ZNF415: variants seen among roughly 807,000 people sequenced by gnomAD.
ZNF415 encodes zinc finger protein 415.
Under a neutral mutation model 7.3 loss-of-function variants are expected in ZNF415, and 5 were observed. The ratio of observed to expected loss-of-function variants is 0.69; its 90% CI spans 0.36 to 1.44. ZNF415 has a LOEUF of 1.44. ZNF415 is among the 40% of genes most tolerant of loss of function. ZNF415 has a pLI of 0.04. For synonymous variants in ZNF415, 207 were observed against 226.3 expected (o/e 0.91, Z 0.77); for missense variants, 628 against 664.8 (o/e 0.94, Z 0.61).
At chr19:53,132,048 ATC>A (rs1339604784) in intron 1 of ZNF415, among the ~76,000 whole-genome samples, 4 of 151,654 alleles carry the variant, frequency 2.6e-5, no homozygotes, top group African/African-American at 7.3e-5. Context: ...GCTGTCCTTC[ATC>A]TCTCTGGATA....
Position 53,122,648 on chromosome 19 carries a change from G to T in ZNF415, c.15+14C>A. On this transcript the variant is annotated intron_variant, in intron 2 of 3. Coordinates refer to ENST00000243643, the MANE Select transcript of ZNF415 (RefSeq NM_018355.4). The stretch of plus-strand genomic sequence containing the variant: ...AGAGGGAGACAGAATGATCCACACA[G>T]AATCTTTCTTTACCTGAGTAAAAGC... 5.6e-6 allele frequency: 9 copies of T among 1,614,114 alleles called. No homozygotes were observed. The highest frequency in any genetic ancestry group is 7.6e-6 in the Non-Finnish European group (9 of 1,180,022).
intron 2 of ZNF415, among the ~76,000 whole-genome samples, chr19:53,120,496 G>C (rs2146448977): frequency 6.6e-6 from 1 of 152,238 alleles, no homozygotes. Flanking sequence ...ACTGAGACCT[G>C]TGTGAGGGTG....
Position 53,108,883 on chromosome 19 carries a change from C to G in ZNF415, c.1162G>C (p.Glu388Gln). Reference sequence around the variant, plus strand: ...GTCTGACTGAAGACTTTACCACATTCATTACACTTGTATGGTTTCTCCCCA... The same window carrying G: ...GTCTGACTGAAGACTTTACCACATTGATTACACTTGTATGGTTTCTCCCCA... ...HTGEKPYKCN[E>Q]CGKVFSQTSS... The change falls in exon 4 of 4, where the codon GAA becomes CAA. Residue 388 changes from glutamate (E) to glutamine (Q), a missense_variant. Coordinates refer to ENST00000243643, the MANE Select transcript of ZNF415 (RefSeq NM_018355.4). 6.2e-7 allele frequency: 1 copy of G among 1,614,102 alleles called. No homozygotes were observed. Among genetic ancestry groups the G allele is most frequent in the East Asian group, 2.2e-5 (1 of 44,870 alleles).
chr19:53,122,294 T>A, intron 2 of ZNF415: 1 of 1,107,702 alleles, frequency 9.0e-7, no homozygotes, highest in Non-Finnish European at 1.3e-6. Context: ...AAACATGACT[T>A]CCATGGGCAG....
At chr19:53,111,745 T>C (rs561481897) in intron 3 of ZNF415, among the ~76,000 whole-genome samples, 1 of 152,170 alleles carries the variant, frequency 6.6e-6, no homozygotes, top group Non-Finnish European at 1.5e-5. Context: ...TAAACAAACT[T>C]TGGGACTTTA....
intron 1 of ZNF415, among the ~76,000 whole-genome samples, chr19:53,127,596 C>T (rs111774840): frequency 2.2e-4 from 34 of 152,204 alleles, no homozygotes; most frequent in African/African-American, 6.3e-4. Context: ...GCTTCCTGAT[C>T]GGCCGGGCGT....
intron 1 of ZNF415, among the ~76,000 whole-genome samples, chr19:53,131,559 G>A (rs2090075858): frequency 6.6e-6 from 1 of 151,930 alleles, no homozygotes; most frequent in African/African-American, 2.4e-5. Flanking sequence ...TCCCTCCCTC[G>A]TTCCGTACAT....
At chr19:53,127,228 T>A (rs1628159) in intron 1 of ZNF415, among the ~76,000 whole-genome samples, 1 of 150,560 alleles carries the variant, frequency 6.6e-6, no homozygotes, top group Non-Finnish European at 1.5e-5. Context: ...ATTCTTAGGA[T>A]CCCCGTTGCC....
Position 53,127,705 on chromosome 19 carries a change from C to T in ZNF415, c.-67-4962G>A, listed in dbSNP as rs557267845. Reference sequence around the variant, plus strand: ...CATCCTGGCCAACATGGTGAAACCCCGTCTTTACTAAAAATACAAAAATTA... The same window carrying T: ...CATCCTGGCCAACATGGTGAAACCCTGTCTTTACTAAAAATACAAAAATTA... On this transcript the variant is annotated intron_variant, in intron 1 of 3. Transcript: ENST00000243643. Among the ~76,000 whole-genome samples the T allele has an allele frequency of 9.2e-5, 14 of 152,048 alleles. No homozygotes were observed. The East Asian group carries it at 1.5e-3, about 17-fold the overall frequency.
At position 53,108,608 on chromosome 19, in the gene ZNF415, C is replaced by A. The variant is rs1478282559; in HGVS notation, c.1437G>T (p.Val479=). Residue 479 remains valine, a synonymous_variant, in exon 4 of 4, where the codon GTG becomes GTT. Coordinates refer to ENST00000243643, the MANE Select transcript of ZNF415 (RefSeq NM_018355.4). ...KCNQCGKGFS[V]HSSLTTHQVI... ...CCTGATGGGTAGTTAGGCTTGAATG[C>A]ACACTGAAGCCTTTGCCACATTGAT... The A allele has an allele frequency of 3.1e-6, 5 of 1,614,000 alleles. No homozygotes were observed. In the African/African-American group the frequency reaches 4.0e-5, roughly 13 times the overall value.
chr19:53,132,624 AG>A (rs1378945488), intron 1 of ZNF415: 1 of 150,484 alleles, frequency 6.6e-6, no homozygotes, highest in Middle Eastern at 3.1e-3. Flanking sequence ...GGGATGGGGG[AG>A]GGGGTCAGGA....
chr19:53,110,185 GTATTTTTTCAC>G (rs1379246145), intron 3 of ZNF415, among the ~76,000 whole-genome samples: 2 of 152,296 alleles, frequency 1.3e-5, no homozygotes, highest in Admixed American at 1.3e-4. Context: ...CCTGAAAGGA[GTATTTTTTCAC>G]CTTGACAGCA....
At chr19:53,109,976 A>G in intron 3 of ZNF415, 68 bp from the exon 4 acceptor site, 4 of 1,290,882 alleles carry the variant, frequency 3.1e-6, no homozygotes, top group South Asian at 1.6e-5. Flanking sequence ...CATACTGAAT[A>G]ACAGAATTAC....
In ZNF415 at chr19:53,129,271, C is replaced by T. The variant is rs531946572; in HGVS notation, c.-68+3585G>A. ...GCTGGACACTGGCAGGGGCCCTGGA[C>T]ACAGGGCTGTGGAGCCACAGTGAGG... On this transcript the variant is annotated intron_variant, in intron 1 of 3. Transcript: ENST00000243643. Among the ~76,000 whole-genome samples, 431 of 152,196 alleles carry T rather than the reference C, an allele frequency of 2.8e-3. 2 individuals are homozygous for T. Among genetic ancestry groups the T allele is most frequent in the African/African-American group, 9.5e-3 (396 of 41,522 alleles).
At chr19:53,117,890 A>G (rs1423631439) in intron 2 of ZNF415, among the ~76,000 whole-genome samples, 1 of 152,206 alleles carries the variant, frequency 6.6e-6, no homozygotes, top group East Asian at 1.9e-4. Flanking sequence ...AAAAACAATT[A>G]GAGAAAGGAG....
At chr19:53,121,538 C>T (rs911590593) in intron 2 of ZNF415, among the ~76,000 whole-genome samples, 8 of 151,988 alleles carry the variant, frequency 5.3e-5, no homozygotes, top group African/African-American at 1.9e-4. Context: ...AGTGATTCTC[C>T]TACCTCAGCC....
intron 3 of ZNF415, among the ~76,000 whole-genome samples, chr19:53,111,156 A>G (rs1188197017): frequency 6.6e-6 from 1 of 152,090 alleles, no homozygotes. Context: ...AGTCAAAAAT[A>G]GGATTAATGC....
chr19:53,132,551 G>C (rs1307849119), intron 1 of ZNF415, among the ~76,000 whole-genome samples: 1 of 152,232 alleles, frequency 6.6e-6, no homozygotes, highest in African/African-American at 2.4e-5. Context: ...GGCCGACGAG[G>C]GCAAGGCTGG....
At chr19:53,114,416 C>T (rs1205225170) in intron 3 of ZNF415, among the ~76,000 whole-genome samples, 1 of 152,118 alleles carries the variant, frequency 6.6e-6, no homozygotes, top group Non-Finnish European at 1.5e-5. Flanking sequence ...GATCCGCCCA[C>T]CTCAGCCACC....
Sources: allele counts gnomAD v4.1 joint callset (sites outside exome capture counted in the v4.1 genomes callset), GRCh38; gene constraint gnomAD v4.1.1; transcripts MANE v1.5; gene names NCBI Gene and HGNC (gene_info 2026-07-23, HGNC 2026-07-21).